Variants in LYPLAL1 observed in about 807,000 individuals in gnomAD.
LYPLAL1 encodes lysophospholipase like 1.
A neutral mutation model predicts 19.7 loss-of-function variants in LYPLAL1; 23 were observed. The ratio of observed to expected loss-of-function variants is 1.17; its 90% CI spans 0.84 to 1.65. LYPLAL1 has a LOEUF of 1.65. LYPLAL1 is among the 40% of genes most tolerant of loss of function. LYPLAL1 has a pLI of 0.00. For synonymous variants in LYPLAL1, 119 were observed against 96.3 expected, an observed-to-expected ratio of 1.24 and a Z score of -1.38; for missense variants, 355 against 279.4, an observed-to-expected ratio of 1.27 and a Z score of -1.93.
chr1:219,384,352 T>C, the LYPLAL1 span, among the ~76,000 whole-genome samples: 9 of 152,364 alleles, frequency 5.9e-5, no homozygotes, highest in South Asian at 1.9e-3. Flanking sequence ...GAATAACCAC[T>C]TGCAGTTTCA....
At chr1:219,301,694 C>A in the LYPLAL1 span, among the ~76,000 whole-genome samples, 4 of 152,022 alleles carry the variant, frequency 2.6e-5, no homozygotes, top group African/African-American at 7.3e-5. Flanking sequence ...TATAACATAA[C>A]CCTATTCAAT....
the LYPLAL1 span, among the ~76,000 whole-genome samples, chr1:219,403,768 A>G: frequency 6.6e-6 from 1 of 152,178 alleles, no homozygotes. Context: ...AAGAACCTCA[A>G]TCTGAGATTT....
chr1:219,367,752 T>C, the LYPLAL1 span, among the ~76,000 whole-genome samples: 1 of 152,214 alleles, frequency 6.6e-6, no homozygotes, highest in African/African-American at 2.4e-5. Flanking sequence ...TGTATTTAAT[T>C]ATGGAGCTTT....
the LYPLAL1 span, among the ~76,000 whole-genome samples, chr1:219,220,430 A>C: frequency 6.6e-6 from 1 of 151,172 alleles, no homozygotes; most frequent in African/African-American, 2.4e-5. Flanking sequence ...ATTAGGGAAA[A>C]GAAGGACTTT....
At chr1:219,377,136 T>A in the LYPLAL1 span, among the ~76,000 whole-genome samples, 2 of 152,184 alleles carry the variant, frequency 1.3e-5, no homozygotes, top group Admixed American at 6.5e-5. Flanking sequence ...AAATATAATA[T>A]GATATTATTC....
chr1:219,266,765 T>C, the LYPLAL1 span, among the ~76,000 whole-genome samples: 5 of 152,178 alleles, frequency 3.3e-5, no homozygotes, highest in African/African-American at 1.2e-4. Flanking sequence ...TTAGCTGTAG[T>C]ATAATCTTAT....
At chr1:219,436,154 C>A in the LYPLAL1 span, among the ~76,000 whole-genome samples, 2 of 152,154 alleles carry the variant, frequency 1.3e-5, no homozygotes, top group African/African-American at 4.8e-5. Flanking sequence ...CTGTGTGCTG[C>A]CTGCTCTTAA....
the LYPLAL1 span, among the ~76,000 whole-genome samples, chr1:219,280,337 A>G: frequency 1.8e-4 from 28 of 152,336 alleles, no homozygotes; most frequent in South Asian, 5.6e-3. Flanking sequence ...TTGAGTTGGA[A>G]TAGAAGCTAT....
chr1:219,339,107 C>T, the LYPLAL1 span, among the ~76,000 whole-genome samples: 1 of 151,804 alleles, frequency 6.6e-6, no homozygotes. Context: ...CTTAGTGAGA[C>T]CCACATTGAG....
intron 3 of LYPLAL1, among the ~76,000 whole-genome samples, chr1:219,199,031 A>T (rs1315120212): frequency 6.6e-6 from 1 of 152,200 alleles, no homozygotes; most frequent in Non-Finnish European, 1.5e-5. Flanking sequence ...TGATGATTTA[A>T]TTAAGCAGTT....
chr1:219,422,193 A>G, the LYPLAL1 span, among the ~76,000 whole-genome samples: 1 of 152,240 alleles, frequency 6.6e-6, no homozygotes, highest in African/African-American at 2.4e-5. Flanking sequence ...GATTTCTGAA[A>G]CTTTGTTGGA....
the LYPLAL1 span, among the ~76,000 whole-genome samples, chr1:219,363,809 A>G: frequency 2.0e-5 from 3 of 152,140 alleles, no homozygotes; most frequent in African/African-American, 7.2e-5. Flanking sequence ...CAAAAGTCTA[A>G]CTTTCTTCTC....
At chr1:219,292,081 G>A in the LYPLAL1 span, among the ~76,000 whole-genome samples, 2 of 152,068 alleles carry the variant, frequency 1.3e-5, no homozygotes, top group African/African-American at 4.8e-5. Flanking sequence ...GAACACGTGG[G>A]CTCCTCACCC....
At position 219,179,248 on chromosome 1, in the gene LYPLAL1, T is replaced by TA. The variant is rs1294800634; in HGVS notation, c.191+3dup. The TA allele has an allele frequency of 6.3e-7, 1 of 1,592,828 alleles. No individual in the cohort carries two copies. Among genetic ancestry groups the TA allele is most frequent in the Admixed American group, 1.7e-5 (1 of 59,096 alleles). On this transcript the variant is annotated splice_region_variant and intron_variant, in intron 2 of 4. Coordinates refer to ENST00000366928, the MANE Select transcript of LYPLAL1 (RefSeq NM_138794.5). ...TATTTATCCAACAGCTCCTCCCAGGTATGCAGTAATTTATCTCACTTGTCA... is the reference window on the plus strand; with the variant it reads ...TATTTATCCAACAGCTCCTCCCAGGTAATGCAGTAATTTATCTCACTTGTCA...
the LYPLAL1 span, among the ~76,000 whole-genome samples, chr1:219,218,531 G>A: frequency 6.7e-6 from 1 of 150,016 alleles, no homozygotes; most frequent in South Asian, 2.1e-4. Context: ...ATTAGCTATT[G>A]TTAGTGTTAG....
the LYPLAL1 span, among the ~76,000 whole-genome samples, chr1:219,327,194 G>A: frequency 6.6e-6 from 1 of 152,184 alleles, no homozygotes. Flanking sequence ...AGCCAGCCTT[G>A]ACTTCACCAA....
chr1:219,231,523 T>A, the LYPLAL1 span, among the ~76,000 whole-genome samples: 1 of 152,186 alleles, frequency 6.6e-6, no homozygotes, highest in East Asian at 1.9e-4. Context: ...TGTATATATA[T>A]GTATATGTGG....
chr1:219,226,730 A>C, the LYPLAL1 span, among the ~76,000 whole-genome samples: 3 of 152,218 alleles, frequency 2.0e-5, no homozygotes, highest in African/African-American at 7.2e-5. Context: ...TTTATTAGTT[A>C]ATATTTATTG....
At chr1:219,300,807 T>A in the LYPLAL1 span, among the ~76,000 whole-genome samples, 1 of 151,840 alleles carries the variant, frequency 6.6e-6, no homozygotes, top group Non-Finnish European at 1.5e-5. Flanking sequence ...AGTGCTGGGA[T>A]TACAGGAGTG....
Sources: allele counts gnomAD v4.1 joint callset (sites outside exome capture counted in the v4.1 genomes callset), GRCh38; gene constraint gnomAD v4.1.1; transcripts MANE v1.5; gene names NCBI Gene and HGNC (gene_info 2026-07-23, HGNC 2026-07-21).